Variants in COMMD1 observed in about 807,000 individuals in gnomAD.
COMMD1 encodes the protein copper metabolism domain containing 1, also known as COMM domain-containing protein 1.
In COMMD1, 10 loss-of-function variants were observed where a neutral mutation model predicts 17.2. The ratio of observed to expected loss-of-function variants is 0.58; its 90% CI spans 0.36 to 0.99. The LOEUF (loss-of-function observed/expected upper bound fraction) is 0.99. COMMD1 is among the 50% of genes least tolerant of loss of function. The pLI is 0.01. For synonymous variants in COMMD1, 97 were observed against 91.6 expected (o/e 1.06, Z -0.34); for missense variants, 270 against 231.8 (o/e 1.17, Z -1.07).
chr2:61,959,763 C>T lies in COMMD1; in HGVS notation c.181-40938C>T, dbSNP rs569550812. 2.0e-5 allele frequency among the ~76,000 whole-genome samples: 3 copies of T among 152,306 alleles called. No homozygotes were observed. In the South Asian group the frequency reaches 6.2e-4, roughly 32 times the overall value. Reference sequence around the variant, plus strand: ...GAATTAACGCCGTGACAAATGATCTCTCAGCAAGGTGAGCTTTACTTTTTG... The same window carrying T: ...GAATTAACGCCGTGACAAATGATCTTTCAGCAAGGTGAGCTTTACTTTTTG... On this transcript the variant is annotated intron_variant, in intron 1 of 2. Transcript: ENST00000311832.
At chr2:62,127,430 G>C (rs1173763092) in intron 2 of COMMD1, among the ~76,000 whole-genome samples, 2 of 152,112 alleles carry the variant, frequency 1.3e-5, no homozygotes, top group Non-Finnish European at 2.9e-5. Context: ...ACAATCCTAA[G>C]CAAAAAGAAC....
chr2:62,066,725 A>AT (rs537104678), intron 2 of COMMD1, among the ~76,000 whole-genome samples: 135 of 129,456 alleles, frequency 1.0e-3, no homozygotes, highest in African/African-American at 3.2e-3. Context: ...ATGTATATAG[A>AT]TTTTTTTTTT....
chr2:62,036,099 A>T (rs1330849789), intron 2 of COMMD1, among the ~76,000 whole-genome samples: 1 of 151,210 alleles, frequency 6.6e-6, no homozygotes, highest in Non-Finnish European at 1.5e-5. Flanking sequence ...CAAAGTTAGG[A>T]TGGTTTCTTA....
At chr2:61,976,947 GC>G (rs1671818454) in intron 1 of COMMD1, among the ~76,000 whole-genome samples, 1 of 151,808 alleles carries the variant, frequency 6.6e-6, no homozygotes, top group South Asian at 2.1e-4. Flanking sequence ...TTCTGCCTCA[GC>G]CTCCGGAGTA....
At chr2:61,904,602 A>AC (rs1457185577), upstream of COMMD1, among the ~76,000 whole-genome samples, 1 of 152,220 alleles carries the variant, frequency 6.6e-6, no homozygotes, top group Non-Finnish European at 1.5e-5. Flanking sequence ...CTTTTAGTCA[A>AC]CTAGTATAGG....
chr2:62,101,873 G>A (rs1490795692), intron 2 of COMMD1, among the ~76,000 whole-genome samples: 1 of 152,130 alleles, frequency 6.6e-6, no homozygotes, highest in Non-Finnish European at 1.5e-5. Context: ...TTTTTATGGT[G>A]TCTGTCTCAT....
intron 1 of COMMD1, among the ~76,000 whole-genome samples, chr2:61,916,520 C>A (rs1670054837): frequency 6.6e-6 from 1 of 152,108 alleles, no homozygotes; most frequent in South Asian, 2.1e-4. Context: ...TTCTGGGGCT[C>A]AAGCGATCTT....
chr2:62,123,533 A>C (rs1026288369), intron 2 of COMMD1, among the ~76,000 whole-genome samples: 1 of 150,112 alleles, frequency 6.7e-6, no homozygotes, highest in Non-Finnish European at 1.5e-5. Flanking sequence ...AAAAAAAAAA[A>C]CAGGAAGGAA....
chr2:61,908,793 T>G (rs1490670325), intron 1 of COMMD1, among the ~76,000 whole-genome samples: 1 of 151,602 alleles, frequency 6.6e-6, no homozygotes, highest in Admixed American at 6.6e-5. Flanking sequence ...GGTCTTGAAC[T>G]CCTGACCTCG....
intron 1 of COMMD1, among the ~76,000 whole-genome samples, chr2:61,953,236 C>T (rs1010549974): frequency 1.3e-5 from 2 of 152,136 alleles, no homozygotes; most frequent in African/African-American, 4.8e-5. Flanking sequence ...TCTCGAACTC[C>T]TGACCTCAGG....
intron 1 of COMMD1, among the ~76,000 whole-genome samples, chr2:61,892,127 G>A (rs1002802076): frequency 1.3e-5 from 2 of 151,864 alleles, no homozygotes; most frequent in African/African-American, 2.4e-5. Flanking sequence ...CACCATGCCC[G>A]GCCAGCTTTC....
intron 2 of COMMD1, among the ~76,000 whole-genome samples, chr2:62,025,613 T>C (rs1328971755): frequency 2.0e-5 from 3 of 152,136 alleles, no homozygotes; most frequent in African/African-American, 7.2e-5. Context: ...AATAAAAAAA[T>C]ACTAATGTCA....
chr2:61,904,062 G>A (rs1457715219), upstream of COMMD1, among the ~76,000 whole-genome samples: 2 of 152,116 alleles, frequency 1.3e-5, no homozygotes, highest in East Asian at 1.9e-4. Flanking sequence ...AGGCGACAGA[G>A]TGCAGTGGCG....
chr2:61,963,244 C>T (rs1051141035), intron 1 of COMMD1, among the ~76,000 whole-genome samples: 1 of 151,684 alleles, frequency 6.6e-6, no homozygotes, highest in Non-Finnish European at 1.5e-5. Flanking sequence ...TACACACACA[C>T]ACACACATAT....
intron 2 of COMMD1, among the ~76,000 whole-genome samples, chr2:62,071,031 A>G (rs1303198786): frequency 6.6e-6 from 1 of 152,182 alleles, no homozygotes; most frequent in African/African-American, 2.4e-5. Context: ...ACTCCATCTC[A>G]AAAAAAGAGA....
chr2:62,042,810 G>A (rs1007484405), intron 2 of COMMD1, among the ~76,000 whole-genome samples: 24 of 152,306 alleles, frequency 1.6e-4, no homozygotes, highest in Admixed American at 3.9e-4. Context: ...TGTGCATTTT[G>A]TATGCTGCCA....
chr2:62,135,314 C>T (rs1012084441), intron 2 of COMMD1, among the ~76,000 whole-genome samples: 7 of 151,974 alleles, frequency 4.6e-5, no homozygotes, highest in South Asian at 2.1e-4. Flanking sequence ...GACATTTGTA[C>T]GCCTCTTATT....
chr2:61,975,118 C>CTTTTTTTTTTATTTTTTTTTTT (rs1671760481), intron 1 of COMMD1, among the ~76,000 whole-genome samples: 1 of 80,166 alleles, frequency 1.2e-5, no homozygotes, highest in Non-Finnish European at 2.4e-5. Context: ...TCATTTCTTT[C>CTTTTTTTTTTATTTTTTTTTTT]TTTTTTTTTT....
chr2:61,992,325 G>A (rs961838350), intron 1 of COMMD1, among the ~76,000 whole-genome samples: 1 of 152,126 alleles, frequency 6.6e-6, no homozygotes, highest in African/African-American at 2.4e-5. Flanking sequence ...TATTAAAACC[G>A]TGAAAAAATA....
Sources: gnomAD v4.1 joint callset for allele counts (sites outside exome capture counted in the v4.1 genomes callset) on GRCh38, gnomAD v4.1.1 for gene constraint, MANE v1.5 for transcripts, NCBI Gene and HGNC (gene_info 2026-07-23, HGNC 2026-07-21) for gene names.